Variants in TBC1D1 observed in about 807,000 individuals in gnomAD.
TBC1D1 encodes the protein TBC1 domain family member 1.
In TBC1D1, 89 loss-of-function variants were observed where a neutral mutation model predicts 125.6. That is an observed-to-expected ratio of 0.71 (90% confidence interval 0.60 to 0.85). The LOEUF is 0.85. TBC1D1 is among the 40% of genes least tolerant of loss of function. The pLI is 0.00. For synonymous variants in TBC1D1, 565 were observed against 564.1 expected (o/e 1.00, Z -0.02); for missense variants, 1,377 against 1,469.2 (o/e 0.94, Z 1.03).
At chr4:38,040,904 G>C (rs141865345) in intron 8 of TBC1D1, among the ~76,000 whole-genome samples, 9 of 152,284 alleles carry the variant, frequency 5.9e-5, no homozygotes, top group African/African-American at 2.2e-4. Context: ...TGTATTTCCC[G>C]TGGACCTGCC....
At chr4:37,992,891 G>A (rs1364329918) in intron 2 of TBC1D1, among the ~76,000 whole-genome samples, 18 of 149,156 alleles carry the variant, frequency 1.2e-4, no homozygotes, top group African/African-American at 3.5e-4. Context: ...TGCAACCTCC[G>A]CCTCCTGGGT....
chr4:38,135,489 T>G (rs1766343052), intron 19 of TBC1D1, among the ~76,000 whole-genome samples: 1 of 152,236 alleles, frequency 6.6e-6, no homozygotes, highest in Non-Finnish European at 1.5e-5. Context: ...GCATCGGTGT[T>G]ATTGAGGAGA....
At chr4:37,946,902 C>T (rs1726811448) in intron 2 of TBC1D1, among the ~76,000 whole-genome samples, 1 of 152,150 alleles carries the variant, frequency 6.6e-6, no homozygotes, top group Non-Finnish European at 1.5e-5. Context: ...GTCTTGTACA[C>T]TAAGGTTCCT....
At chr4:38,108,171 G>A (rs1341549726) in intron 15 of TBC1D1, among the ~76,000 whole-genome samples, 1 of 152,170 alleles carries the variant, frequency 6.6e-6, no homozygotes, top group Non-Finnish European at 1.5e-5. Flanking sequence ...TCTGTCTGGG[G>A]CTCCCACTGT....
chr4:37,934,800 C>T (rs943588769), intron 2 of TBC1D1, among the ~76,000 whole-genome samples: 13 of 152,130 alleles, frequency 8.5e-5, no homozygotes, highest in African/African-American at 3.1e-4. Flanking sequence ...TCAGAGTGGG[C>T]GTGGTTTTGC....
intron 2 of TBC1D1, among the ~76,000 whole-genome samples, chr4:37,998,565 C>T (rs1738326848): frequency 6.6e-6 from 1 of 152,186 alleles, no homozygotes; most frequent in Non-Finnish European, 1.5e-5. Flanking sequence ...CTCTGTCCCT[C>T]CCCTCCTGAC....
At chr4:38,024,367 C>A (rs1254175725) in intron 6 of TBC1D1, among the ~76,000 whole-genome samples, 2 of 152,152 alleles carry the variant, frequency 1.3e-5, no homozygotes, top group Non-Finnish European at 2.9e-5. Flanking sequence ...TAAAGCAGAG[C>A]ACGATCTGCA....
At chr4:37,904,760 G>A (rs901878201) in intron 2 of TBC1D1, among the ~76,000 whole-genome samples, 2 of 152,172 alleles carry the variant, frequency 1.3e-5, no homozygotes, top group Admixed American at 6.5e-5. Context: ...TTTAATAAAA[G>A]AATAATTTGT....
At chr4:38,077,630 ATT>A (rs33926889) in intron 12 of TBC1D1, among the ~76,000 whole-genome samples, 104 of 125,200 alleles carry the variant, frequency 8.3e-4, no homozygotes, top group Non-Finnish European at 1.0e-3. Flanking sequence ...CAAAACCTTA[ATT>A]TTTTTTTTTT....
intron 2 of TBC1D1, among the ~76,000 whole-genome samples, chr4:38,008,844 TTATATTGGAAATCACA>T (rs1478000033): frequency 6.6e-6 from 1 of 152,212 alleles, no homozygotes; most frequent in Non-Finnish European, 1.5e-5. Flanking sequence ...ACCTGTCACC[TTATATTGGAAATCACA>T]TATGCGTGAG....
intron 12 of TBC1D1, 30 bp downstream of exon 14, chr4:38,054,368 A>G: frequency 6.2e-7 from 1 of 1,612,880 alleles, no homozygotes; most frequent in Non-Finnish European, 8.5e-7. Context: ...TGAAACCTCA[A>G]AGAGAGCACG....
intron 2 of TBC1D1, among the ~76,000 whole-genome samples, chr4:37,919,097 A>AC (rs1162017584): frequency 2.6e-5 from 4 of 151,700 alleles, no homozygotes; most frequent in Non-Finnish European, 1.5e-5. Flanking sequence ...AAAAAAAAAA[A>AC]AAAACTGGAA....
intron 12 of TBC1D1, among the ~76,000 whole-genome samples, chr4:38,076,119 TCA>T (rs1311735294): frequency 1.3e-5 from 2 of 152,202 alleles, no homozygotes; most frequent in African/African-American, 4.8e-5. Context: ...AGAGGTTGAC[TCA>T]CAGTTCAGCA....
chr4:38,064,354 G>T (rs985064332), intron 12 of TBC1D1, among the ~76,000 whole-genome samples: 4 of 152,014 alleles, frequency 2.6e-5, no homozygotes, highest in African/African-American at 9.7e-5. Context: ...CCTCCAGGGG[G>T]GCCTTACCTG....
At chr4:38,089,896 A>G (rs1758139695) in intron 12 of TBC1D1, 36 bp from the exon 15 acceptor site, 1 of 1,531,866 alleles carries the variant, frequency 6.5e-7, no homozygotes, top group African/African-American at 1.4e-5. Flanking sequence ...TTTTTGTTGA[A>G]AAATGACAAT....
intron 15 of TBC1D1, among the ~76,000 whole-genome samples, chr4:38,114,630 A>G (rs564035858): frequency 1.0e-3 from 153 of 152,326 alleles, no homozygotes; most frequent in Non-Finnish European, 1.4e-3. Context: ...CTCCCTGGAA[A>G]CAGGCACTCC....
intron 12 of TBC1D1, among the ~76,000 whole-genome samples, chr4:38,055,868 G>A: frequency 6.6e-6 from 1 of 152,222 alleles, no homozygotes; most frequent in South Asian, 2.1e-4. Flanking sequence ...ACCAGAGGGA[G>A]GCCCTGGAGG....
intron 2 of TBC1D1, among the ~76,000 whole-genome samples, chr4:37,921,968 C>T (rs920092980): frequency 6.6e-6 from 1 of 152,046 alleles, no homozygotes; most frequent in African/African-American, 2.4e-5. Flanking sequence ...AACTCCTGGC[C>T]TCAAGCTATC....
intron 17 of TBC1D1, among the ~76,000 whole-genome samples, chr4:38,121,827 G>A (rs660334): frequency 0.71 from 108,443 of 152,074 alleles, 38,936 homozygotes; most frequent in African/African-American, 0.78. Context: ...CTTTACTATT[G>A]TTTTAAAATT....
Sources: allele counts gnomAD v4.1 joint callset (sites outside exome capture counted in the v4.1 genomes callset), GRCh38; gene constraint gnomAD v4.1.1; transcripts MANE v1.5; gene names NCBI Gene and HGNC (gene_info 2026-07-23, HGNC 2026-07-21).